The following ALOX5AP variants were observed in gnomAD, a reference collection of about 807,000 sequenced individuals.
The protein encoded by ALOX5AP is arachidonate 5-lipoxygenase-activating protein.
Under a neutral mutation model 18.5 loss-of-function variants are expected in ALOX5AP, and 9 were observed. The ratio of observed to expected loss-of-function variants is 0.49; its 90% CI spans 0.29 to 0.85. ALOX5AP has a LOEUF of 0.85. ALOX5AP is among the 40% of genes least tolerant of loss of function. ALOX5AP has a pLI of 0.08. For synonymous variants in ALOX5AP, 81 were observed against 78.6 expected (o/e 1.03, Z -0.16); for missense variants, 172 against 202.5 (o/e 0.85, Z 0.91).
At position 30,748,825 on chromosome 13, in the gene ALOX5AP, A is replaced by G. The variant is rs373092620; in HGVS notation, c.171-3227A>G. ...AACTGAGGCTCATTGAGGCTAGGAA[A>G]TGCACCCACACTCACATAGCCCATA... On this transcript the variant is annotated intron_variant, in intron 2 of 4. Transcript: ENST00000380490. Among the ~76,000 whole-genome samples the G allele has an allele frequency of 3.9e-5, 6 of 152,188 alleles. No homozygotes were observed. In the East Asian group the frequency reaches 9.6e-4, roughly 24 times the overall value.
At chr13:30,759,027 C>T (rs1473185020) in intron 4 of ALOX5AP, among the ~76,000 whole-genome samples, 2 of 152,132 alleles carry the variant, frequency 1.3e-5, no homozygotes, top group Non-Finnish European at 2.9e-5. Flanking sequence ...CTATGTTGGC[C>T]AGGCTGGTCT....
intron 1 of ALOX5AP, among the ~76,000 whole-genome samples, chr13:30,722,038 C>T (rs544856307): frequency 4.9e-4 from 75 of 152,308 alleles, no homozygotes; most frequent in Admixed American, 5.2e-4. Flanking sequence ...GTAAAGTGCC[C>T]GGCTGACAGA....
At chr13:30,759,449 T>C (rs1951923162) in intron 4 of ALOX5AP, among the ~76,000 whole-genome samples, 1 of 152,186 alleles carries the variant, frequency 6.6e-6, no homozygotes, top group Non-Finnish European at 1.5e-5. Context: ...AGTAGATATT[T>C]GCTACCTGCT....
At chr13:30,755,674 G>C (rs905684676) in intron 3 of ALOX5AP, among the ~76,000 whole-genome samples, 2 of 152,230 alleles carry the variant, frequency 1.3e-5, no homozygotes, top group African/African-American at 4.8e-5. Context: ...TTATGAATTT[G>C]TGTTGGGCTG....
intron 1 of ALOX5AP, among the ~76,000 whole-genome samples, chr13:30,722,643 A>ATATAGTTTG (rs1951603200): frequency 6.6e-6 from 1 of 152,168 alleles, no homozygotes; most frequent in African/African-American, 2.4e-5. Context: ...ACTGTATCTG[A>ATATAGTTTG]TATAGTTTGA....
At chr13:30,722,454 A>G (rs1566078784) in intron 1 of ALOX5AP, among the ~76,000 whole-genome samples, 1 of 152,166 alleles carries the variant, frequency 6.6e-6, no homozygotes, top group South Asian at 2.1e-4. Flanking sequence ...ACTTAATCCT[A>G]ACTGATATTA....
intron 1 of ALOX5AP, among the ~76,000 whole-genome samples, chr13:30,718,252 T>A (rs2137784864): frequency 6.6e-6 from 1 of 151,992 alleles, no homozygotes; most frequent in African/African-American, 2.4e-5. Flanking sequence ...AGCCACTGCA[T>A]CTGGCCAAAA....
chr13:30,755,232 C>A (rs922116133), intron 3 of ALOX5AP, among the ~76,000 whole-genome samples: 1 of 152,166 alleles, frequency 6.6e-6, no homozygotes, highest in Non-Finnish European at 1.5e-5. Context: ...GGCTAGAATG[C>A]AGAGGGAATG....
rs138520267 is a variant in ALOX5AP at position 30,755,542 on chromosome 13, T to A, written c.242-402T>A. Among the ~76,000 whole-genome samples, 3 of 152,174 alleles carry A rather than the reference T, an allele frequency of 2.0e-5. No homozygotes were observed. In the East Asian group the frequency reaches 5.8e-4, roughly 29 times the overall value. On this transcript the variant is annotated intron_variant, in intron 3 of 4. Coordinates refer to ENST00000380490, the MANE Select transcript of ALOX5AP (RefSeq NM_001629.4). ...AACCAGGAGTGTCCAGTCTTTTGGG[T>A]TCCCTGAGCCACACTGGAAGAAGAG...
chr13:30,728,429 C>T (rs1296197995), intron 1 of ALOX5AP, among the ~76,000 whole-genome samples: 3 of 152,014 alleles, frequency 2.0e-5, no homozygotes, highest in African/African-American at 7.3e-5. Context: ...AAGGTCTAAT[C>T]CCTATAATAA....
intron 2 of ALOX5AP, 138 bp from the exon 3 acceptor site, chr13:30,751,914 G>T: frequency 1.2e-6 from 1 of 803,444 alleles, no homozygotes; most frequent in Non-Finnish European, 2.0e-6. Context: ...TTATTGGGTA[G>T]ATGTAAGTGG....
chr13:30,726,131 TG>T (rs1229219707), intron 1 of ALOX5AP, among the ~76,000 whole-genome samples: 1 of 152,090 alleles, frequency 6.6e-6, no homozygotes, highest in Admixed American at 6.6e-5. Context: ...TTAGCTCCTG[TG>T]GGGGGAATGC....
In ALOX5AP at chr13:30,764,059, A is replaced by G. The variant is rs745453301; in HGVS notation, c.439A>G (p.Ile147Val). The part of the protein sequence containing the change: ...FFFGSDFENY[I>V]KTISTTISPL... The stretch of plus-strand genomic sequence containing the variant: ...TTTCGGAAGTGACTTTGAAAACTAC[A>G]TAAAGACGATCTCCACCACCATCTC... The change falls in exon 5 of 5, where the codon ATA becomes GTA. Residue 147 changes from isoleucine to valine, a missense_variant. Transcript: ENST00000380490. 3.3e-5 allele frequency: 53 copies of G among 1,614,096 alleles called. No individual in the cohort carries two copies. The Admixed American group carries it at 6.7e-4, about 20-fold the overall frequency.
intron 1 of ALOX5AP, among the ~76,000 whole-genome samples, chr13:30,738,557 A>G (rs1951738366): frequency 6.6e-6 from 1 of 152,216 alleles, no homozygotes; most frequent in South Asian, 2.1e-4. Flanking sequence ...AATTACACAG[A>G]CGCATTTCTT....
At chr13:30,737,624 AC>A (rs998821721) in intron 1 of ALOX5AP, among the ~76,000 whole-genome samples, 3 of 152,122 alleles carry the variant, frequency 2.0e-5, no homozygotes, top group Non-Finnish European at 4.4e-5. Context: ...TTGAAGAGAC[AC>A]TAGAATGGAC....
intron 1 of ALOX5AP, among the ~76,000 whole-genome samples, chr13:30,729,218 G>A (rs1413160729): frequency 6.6e-6 from 1 of 151,940 alleles, no homozygotes; most frequent in Non-Finnish European, 1.5e-5. Context: ...CTTCTTCATG[G>A]TCACAAAGAC....
upstream of ALOX5AP, chr13:30,735,458 AAG>A (rs1951712805): frequency 3.3e-6 from 4 of 1,218,272 alleles, no homozygotes; most frequent in South Asian, 1.9e-5. Context: ...AAAAAAAAAA[AAG>A]GAAGAAGAAG....
intron 4 of ALOX5AP, among the ~76,000 whole-genome samples, chr13:30,761,351 C>T (rs895879826): frequency 1.6e-4 from 24 of 152,240 alleles, no homozygotes; most frequent in African/African-American, 5.8e-4. Context: ...TTTTTCACTT[C>T]GGTTTTATCT....
exon 1 of ALOX5AP, chr13:30,713,665 C>A: frequency 2.4e-6 from 3 of 1,226,432 alleles, no homozygotes; most frequent in Non-Finnish European, 3.5e-6. Context: ...GACAATTCTG[C>A]AAGAACTCTG....
Sources: allele counts gnomAD v4.1 joint callset (sites outside exome capture counted in the v4.1 genomes callset), GRCh38; gene constraint gnomAD v4.1.1; transcripts MANE v1.5; gene names NCBI Gene and HGNC (gene_info 2026-07-23, HGNC 2026-07-21).